Variants in DLC1 observed in about 807,000 individuals in gnomAD.
The protein encoded by DLC1 is DLC1 Rho GTPase activating protein.
DLC1 carries 54 observed loss-of-function variants against 140.3 expected under a neutral mutation model. The observed-to-expected ratio is 0.38, with a 90% confidence interval of 0.31 to 0.48. The LOEUF is 0.48. Ranked by LOEUF, DLC1 falls within the 20% of genes least tolerant of loss-of-function variation. The pLI, the probability that DLC1 is intolerant of heterozygous loss-of-function variation, is 0.96. For synonymous variants in DLC1, 986 were observed against 728.1 expected (o/e 1.35, Z -5.70); for missense variants, 2,536 against 1,907.0 (o/e 1.33, Z -6.14).
chr8:13,413,256 A>ATTTTTTTTGTTTTTTTTTTTTTTTTTTT (rs1837876140), intron 2 of DLC1, among the ~76,000 whole-genome samples: 1 of 82,006 alleles, frequency 1.2e-5, no homozygotes, highest in Non-Finnish European at 2.3e-5. Flanking sequence ...TTTTTTTGCG[A>ATTTTTTTTGTTTTTTTTTTTTTTTTTTT]TTTTTTTTTT....
chr8:13,580,024 C>G (rs1012263140), intron 1 of DLC1, among the ~76,000 whole-genome samples: 3 of 152,154 alleles, frequency 2.0e-5, no homozygotes, highest in Admixed American at 1.3e-4. Context: ...CAGACACATG[C>G]TCTAGGCTGA....
chr8:13,315,053 G>A (rs1016415216), intron 4 of DLC1, among the ~76,000 whole-genome samples: 1 of 152,160 alleles, frequency 6.6e-6, no homozygotes, highest in Non-Finnish European at 1.5e-5. Context: ...CAGGCCTGAG[G>A]GTGTGCAGAA....
chr8:13,091,764 G>A (rs191630631), intron 13 of DLC1, among the ~76,000 whole-genome samples: 1 of 152,134 alleles, frequency 6.6e-6, no homozygotes, highest in East Asian at 1.9e-4. Flanking sequence ...TGGGAAAGGA[G>A]TCCCAGGGAG....
chr8:13,136,123 G>A (rs556338897), intron 5 of DLC1, among the ~76,000 whole-genome samples: 14 of 152,282 alleles, frequency 9.2e-5, no homozygotes, highest in African/African-American at 2.2e-4. Flanking sequence ...GAGAATGGTG[G>A]TTGAAAGCAG....
Position 13,597,648 on chromosome 8 carries a change from G to A in DLC1, c.-126+6889C>T, listed in dbSNP as rs538482326. Among the ~76,000 whole-genome samples, 3 of 152,012 alleles carry A rather than the reference G, an allele frequency of 2.0e-5. 1 individual carries two copies. The South Asian group carries it at 6.2e-4, about 32-fold the overall frequency. On this transcript the variant is annotated intron_variant, in intron 1 of 1. Transcript: ENST00000631382. Reference sequence around the variant, plus strand: ...GGATAAATGCTTAAATGGAATTATGGGATGCACACACATGGGAGGCACTGA... The same window carrying A: ...GGATAAATGCTTAAATGGAATTATGAGATGCACACACATGGGAGGCACTGA...
At chr8:13,375,660 C>T (rs1326592106) in intron 4 of DLC1, among the ~76,000 whole-genome samples, 1 of 151,966 alleles carries the variant, frequency 6.6e-6, no homozygotes, top group Non-Finnish European at 1.5e-5. Flanking sequence ...ATAAATAGCT[C>T]TTATTATTTT....
chr8:13,088,430 G>C (rs1051554835), intron 16 of DLC1, 57 bp downstream of exon 16: 26 of 1,565,904 alleles, frequency 1.7e-5, no homozygotes, highest in African/African-American at 2.7e-5. Flanking sequence ...TGACATATAG[G>C]CTTGGTTCAT....
chr8:13,539,273 C>G (rs969284319), intron 1 of DLC1, among the ~76,000 whole-genome samples: 1 of 152,088 alleles, frequency 6.6e-6, no homozygotes, highest in African/African-American at 2.4e-5. Flanking sequence ...AATCTCAGCT[C>G]ACTGCAAGCT....
In DLC1 at chr8:13,401,320, A is replaced by T. The variant is rs376409673; in HGVS notation, c.1173+150T>A. The T allele has an allele frequency of 7.0e-4, 620 of 885,930 alleles. 10 individuals carry two copies. In the South Asian group the frequency reaches 0.013, roughly 19 times the overall value. The allele number at this position is 885,930 out of a possible 1,614,324, so 54.9% of individuals were successfully genotyped here. ...TATGCATAGAATGTATGCATGATGC[A>T]TAGAAGTATTTTGGTTATCTTTATG... On this transcript the variant is annotated intron_variant, in intron 3 of 17. Transcript: ENST00000276297.
At chr8:13,485,208 G>C (rs188271509) in intron 2 of DLC1, among the ~76,000 whole-genome samples, 99 of 152,264 alleles carry the variant, frequency 6.5e-4, no homozygotes, top group African/African-American at 2.3e-3. Flanking sequence ...CCTACATAGA[G>C]ACTGACTTTT....
chr8:13,244,249 C>T (rs533615388), intron 5 of DLC1, among the ~76,000 whole-genome samples: 15 of 152,064 alleles, frequency 9.9e-5, no homozygotes, highest in African/African-American at 3.6e-4. Context: ...AATCAGATCT[C>T]TGCCTGTCAG....
intron 5 of DLC1, among the ~76,000 whole-genome samples, chr8:13,197,015 T>TATCCAGTAG: frequency 6.6e-6 from 1 of 152,356 alleles, no homozygotes; most frequent in South Asian, 2.1e-4. Context: ...CAATGATATG[T>TATCCAGTAG]ATCCAGTAGT....
Position 13,099,466 on chromosome 8 carries a change from G to A in DLC1, c.2871C>T (p.Asp957=), listed in dbSNP as rs1459266500. 6.2e-7 allele frequency: 1 copy of A among 1,614,150 alleles called. No individual in the cohort carries two copies. The highest frequency in any genetic ancestry group is 1.7e-5 in the Admixed American group (1 of 60,018). ...TGTCCAGGTCGCTGGGTGTGGTTCG[G>A]TCGTTGTCCACATCCAGGTGTATCT... ...PKQIHLDVDN[D]RTTPSDLDST... Residue 957 remains aspartate, a synonymous_variant, in exon 9 of 18, where the codon GAC becomes GAT. Transcript: ENST00000276297.
chr8:13,242,363 G>A (rs908128712), intron 5 of DLC1, among the ~76,000 whole-genome samples: 9 of 150,228 alleles, frequency 6.0e-5, no homozygotes, highest in Admixed American at 1.3e-4. Context: ...AACATCAAAG[G>A]AAAAGAAAAA....
intron 5 of DLC1, among the ~76,000 whole-genome samples, chr8:13,255,772 T>C (rs1830199335): frequency 6.6e-6 from 1 of 152,218 alleles, no homozygotes; most frequent in South Asian, 2.1e-4. Context: ...TTCTTTGTAA[T>C]GCCCACAGCA....
chr8:13,255,143 A>G (rs1830166542), intron 5 of DLC1, among the ~76,000 whole-genome samples: 1 of 152,006 alleles, frequency 6.6e-6, no homozygotes, highest in African/African-American at 2.4e-5. Flanking sequence ...CGCCCAGCTA[A>G]CTTTTTAAGT....
chr8:13,214,101 A>T (rs1370097255), intron 5 of DLC1, among the ~76,000 whole-genome samples: 2 of 152,096 alleles, frequency 1.3e-5, no homozygotes, highest in Non-Finnish European at 2.9e-5. Context: ...TGTTTTCTTT[A>T]TAAGAAGATA....
At chr8:13,091,701 G>C (rs186833531) in intron 13 of DLC1, among the ~76,000 whole-genome samples, 257 of 152,192 alleles carry the variant, frequency 1.7e-3, no homozygotes, top group African/African-American at 6.0e-3. Context: ...CTGGGAACAG[G>C]GCAGCTTGTA....
chr8:13,506,442 A>C (rs1585219959), intron 1 of DLC1, among the ~76,000 whole-genome samples: 1 of 151,360 alleles, frequency 6.6e-6, no homozygotes, highest in Non-Finnish European at 1.5e-5. Context: ...AGCTAGAATT[A>C]CTTCTGGTTT....
Sources: gnomAD v4.1 joint callset for allele counts (sites outside exome capture counted in the v4.1 genomes callset) on GRCh38, gnomAD v4.1.1 for gene constraint, MANE v1.5 for transcripts, NCBI Gene and HGNC (gene_info 2026-07-23, HGNC 2026-07-21) for gene names.